Variants in SPECC1 observed in about 807,000 individuals in gnomAD.
SPECC1 encodes the protein cytospin-B.
Under a neutral mutation model 104.1 loss-of-function variants are expected in SPECC1, and 62 were observed. That is an observed-to-expected ratio of 0.60 (90% CI 0.49 to 0.74). The LOEUF is 0.74. SPECC1 is among the 30% of genes least tolerant of loss of function. The pLI is 0.00. For missense variants in SPECC1, 1,306 were observed against 1,310.5 expected (o/e 1.00, Z 0.05); for synonymous variants, 513 against 501.6 (o/e 1.02, Z -0.30).
At chr17:20,075,254 G>A (rs1047667566) in intron 1 of SPECC1, among the ~76,000 whole-genome samples, 1 of 152,094 alleles carries the variant, frequency 6.6e-6, no homozygotes, top group Non-Finnish European at 1.5e-5. Context: ...AGCTCTCACT[G>A]TACAACATCA....
At chr17:20,200,922 T>G (rs764655709) in intron 3 of SPECC1, among the ~76,000 whole-genome samples, 1 of 150,484 alleles carries the variant, frequency 6.6e-6, no homozygotes, top group Non-Finnish European at 1.5e-5. Flanking sequence ...AGAATAGATA[T>G]AACAAAAATA....
At chr17:20,173,670 TGTTG>T (rs2151191332) in intron 3 of SPECC1, among the ~76,000 whole-genome samples, 1 of 152,316 alleles carries the variant, frequency 6.6e-6, no homozygotes, top group African/African-American at 2.4e-5. Context: ...CGTGGTGAAA[TGTTG>T]GGCATAAAGG....
intron 4 of SPECC1, among the ~76,000 whole-genome samples, chr17:20,211,941 G>A (rs770136864): frequency 8.5e-5 from 13 of 152,172 alleles, no homozygotes; most frequent in Non-Finnish European, 5.9e-5. Flanking sequence ...TGCGAACCTG[G>A]TGTTGCCCAG....
chr17:20,277,677 G>A (rs1400885653), intron 12 of SPECC1, among the ~76,000 whole-genome samples: 4 of 152,106 alleles, frequency 2.6e-5, no homozygotes, highest in East Asian at 3.9e-4. Flanking sequence ...TTCTATTTCC[G>A]AAATGTTTTC....
chr17:20,012,809 A>C (rs970067407), intron 1 of SPECC1, among the ~76,000 whole-genome samples: 1 of 152,250 alleles, frequency 6.6e-6, no homozygotes, highest in Middle Eastern at 3.4e-3. Flanking sequence ...TATGCAACCA[A>C]TCTCCAGAAT....
At chr17:20,230,134 A>G (rs1410684315) in intron 5 of SPECC1, among the ~76,000 whole-genome samples, 1 of 152,254 alleles carries the variant, frequency 6.6e-6, no homozygotes, top group East Asian at 1.9e-4. Flanking sequence ...AGATACGTCT[A>G]TATAATGCAA....
intron 1 of SPECC1, among the ~76,000 whole-genome samples, chr17:20,050,045 G>A (rs1449050064): frequency 6.6e-6 from 1 of 151,962 alleles, no homozygotes; most frequent in African/African-American, 2.4e-5. Context: ...TCGAACTCCC[G>A]ACCTCAGGTG....
chr17:20,245,234 C>G (rs1025572238), intron 7 of SPECC1, among the ~76,000 whole-genome samples: 1 of 152,196 alleles, frequency 6.6e-6, no homozygotes, highest in Admixed American at 6.5e-5. Context: ...TCTCCACACA[C>G]AACTGGACCA....
intron 7 of SPECC1, 131 bp from the exon 8 acceptor site, chr17:20,245,795 G>A (rs1158279638): frequency 9.4e-7 from 1 of 1,064,442 alleles, no homozygotes; most frequent in South Asian, 1.9e-5. Flanking sequence ...AGAGAAAACA[G>A]GATGTTAAAT....
intron 13 of SPECC1, among the ~76,000 whole-genome samples, chr17:20,301,023 A>G (rs2041558766): frequency 6.6e-6 from 1 of 152,092 alleles, no homozygotes; most frequent in East Asian, 1.9e-4. Context: ...TGTTTCCTAA[A>G]TGCCCCATCC....
intron 1 of SPECC1, among the ~76,000 whole-genome samples, chr17:20,021,700 A>ATTTTT (rs1373881239): frequency 2.0e-5 from 2 of 101,624 alleles, no homozygotes; most frequent in East Asian, 2.2e-4. Context: ...ATATATATAT[A>ATTTTT]TATTTTTTTG....
At chr17:20,308,292 G>A (rs1023942831) in intron 14 of SPECC1, among the ~76,000 whole-genome samples, 2 of 151,000 alleles carry the variant, frequency 1.3e-5, no homozygotes, top group African/African-American at 4.9e-5. Context: ...GGGAGGCTGA[G>A]GCAGGAGAAT....
At chr17:20,201,662 A>G (rs1448277641) in intron 3 of SPECC1, among the ~76,000 whole-genome samples, 2 of 152,242 alleles carry the variant, frequency 1.3e-5, no homozygotes, top group East Asian at 1.9e-4. Context: ...ACTTTATTCT[A>G]GAGAACTAGC....
intron 3 of SPECC1, among the ~76,000 whole-genome samples, chr17:20,156,686 G>C (rs1273067727): frequency 6.6e-6 from 1 of 152,192 alleles, no homozygotes; most frequent in South Asian, 2.1e-4. Flanking sequence ...CCCCGCGACT[G>C]TTCCTAACCC....
chr17:20,091,412 T>A (rs1044116862), intron 1 of SPECC1, among the ~76,000 whole-genome samples: 2 of 152,176 alleles, frequency 1.3e-5, no homozygotes, highest in African/African-American at 2.4e-5. Context: ...TCATTCTTCC[T>A]CTGGAAGTCT....
intron 12 of SPECC1, among the ~76,000 whole-genome samples, chr17:20,276,836 C>T (rs889763504): frequency 1.1e-4 from 17 of 152,238 alleles, no homozygotes; most frequent in African/African-American, 3.9e-4. Context: ...GCCCCGTCGG[C>T]CCCTTTGGGG....
At chr17:20,041,176 A>G (rs947594227) in intron 1 of SPECC1, among the ~76,000 whole-genome samples, 1 of 151,812 alleles carries the variant, frequency 6.6e-6, no homozygotes, top group Non-Finnish European at 1.5e-5. Context: ...CCTCCATTCT[A>G]TGTTGTCTTT....
At chr17:20,110,116 C>T (rs542621470) in intron 2 of SPECC1, among the ~76,000 whole-genome samples, 6 of 152,306 alleles carry the variant, frequency 3.9e-5, no homozygotes, top group East Asian at 1.9e-4. Flanking sequence ...GGACTACAGT[C>T]GTGAGTCACT....
intron 4 of SPECC1, among the ~76,000 whole-genome samples, chr17:20,221,586 A>G (rs940295204): frequency 6.6e-6 from 1 of 151,682 alleles, no homozygotes; most frequent in Non-Finnish European, 1.5e-5. Context: ...AATTTTGTTT[A>G]TCTTTTCAAA....
Sources: gnomAD v4.1 joint callset for allele counts (sites outside exome capture counted in the v4.1 genomes callset) on GRCh38, gnomAD v4.1.1 for gene constraint, MANE v1.5 for transcripts, NCBI Gene and HGNC (gene_info 2026-07-23, HGNC 2026-07-21) for gene names.